Variants in L3MBTL4 observed in about 807,000 individuals in gnomAD.
L3MBTL4 encodes the protein lethal(3)malignant brain tumor-like protein 4.
In L3MBTL4, 70 loss-of-function variants were observed where a neutral mutation model predicts 84.5. The observed-to-expected ratio is 0.83, with a 90% CI of 0.68 to 1.01. The LOEUF (loss-of-function observed/expected upper bound fraction) is 1.01. Ranked by LOEUF, L3MBTL4 falls within the 50% of genes least tolerant of loss-of-function variation. The pLI is 0.00. For missense variants in L3MBTL4, 715 were observed against 754.8 expected (o/e 0.95, Z 0.62); for synonymous variants, 274 against 259.8 (o/e 1.05, Z -0.52).
intron 15 of L3MBTL4, among the ~76,000 whole-genome samples, chr18:6,091,182 C>T (rs2058444964): frequency 6.6e-6 from 1 of 152,190 alleles, no homozygotes; most frequent in South Asian, 2.1e-4. Flanking sequence ...TATGTTTTAT[C>T]TGTACATAAT....
chr18:6,168,189 A>C (rs1225491514), intron 13 of L3MBTL4, among the ~76,000 whole-genome samples: 1 of 152,178 alleles, frequency 6.6e-6, no homozygotes, highest in Non-Finnish European at 1.5e-5. Context: ...ATACAAACAA[A>C]TGGAAGAACA....
intron 1 of L3MBTL4, chr18:6,367,264 A>G (rs893289075): frequency 7.9e-5 from 12 of 152,382 alleles, no homozygotes; most frequent in African/African-American, 2.9e-4. Context: ...CCTAGAAACC[A>G]TCACTGTGAA....
chr18:6,063,555 C>T (rs2057305995), intron 16 of L3MBTL4, among the ~76,000 whole-genome samples: 2 of 151,710 alleles, frequency 1.3e-5, no homozygotes, highest in Non-Finnish European at 3.0e-5. Context: ...TTAATTAGGG[C>T]CATTCTTGCA....
chr18:6,341,574 T>C (rs1202404168), intron 1 of L3MBTL4, among the ~76,000 whole-genome samples: 4 of 151,470 alleles, frequency 2.6e-5, no homozygotes, highest in Non-Finnish European at 5.9e-5. Context: ...TATTTAAAAG[T>C]AGTCAGAGGA....
At chr18:6,041,775 A>G (rs948658540) in intron 16 of L3MBTL4, among the ~76,000 whole-genome samples, 5 of 151,436 alleles carry the variant, frequency 3.3e-5, no homozygotes, top group African/African-American at 1.2e-4. Flanking sequence ...CCTAGGCGGG[A>G]GTTCAATGGC....
intron 12 of L3MBTL4, among the ~76,000 whole-genome samples, chr18:6,203,656 T>C (rs2145684262): frequency 6.6e-6 from 1 of 152,274 alleles, no homozygotes; most frequent in Non-Finnish European, 1.5e-5. Flanking sequence ...CCTCCTGCCC[T>C]AGGAGCAAAC....
chr18:6,072,881 A>AT (rs1364992667), intron 16 of L3MBTL4, among the ~76,000 whole-genome samples: 10 of 20,432 alleles, frequency 4.9e-4, no homozygotes, highest in Non-Finnish European at 8.8e-4. Flanking sequence ...AAAAAAAAAA[A>AT]ATATATATAT....
At chr18:6,295,537 G>A (rs926071082) in intron 4 of L3MBTL4, among the ~76,000 whole-genome samples, 4 of 151,826 alleles carry the variant, frequency 2.6e-5, no homozygotes, top group Non-Finnish European at 5.9e-5. Flanking sequence ...GAATCCTACG[G>A]AGGGGGGCCC....
intron 10 of L3MBTL4, among the ~76,000 whole-genome samples, chr18:6,222,950 TATAATATA>T (rs905113307): frequency 1.2e-4 from 6 of 51,914 alleles, no homozygotes; most frequent in African/African-American, 5.3e-4. Context: ...ATTTTTCTAT[TATAATATA>T]ATATAATATA....
At chr18:6,020,216 G>C (rs1046767431) in intron 16 of L3MBTL4, among the ~76,000 whole-genome samples, 2 of 152,154 alleles carry the variant, frequency 1.3e-5, no homozygotes, top group Admixed American at 1.3e-4. Flanking sequence ...GGGAGGGGGA[G>C]CTAGGAATGA....
chr18:5,985,920 G>C (rs2053443926), intron 16 of L3MBTL4, among the ~76,000 whole-genome samples: 1 of 152,154 alleles, frequency 6.6e-6, no homozygotes, highest in Non-Finnish European at 1.5e-5. Context: ...ATCTTGGAGA[G>C]GGATGCTGTA....
intron 16 of L3MBTL4, among the ~76,000 whole-genome samples, chr18:5,988,356 C>G (rs532638456): frequency 5.1e-4 from 77 of 152,214 alleles, no homozygotes; most frequent in Admixed American, 2.3e-3. Context: ...AACAATTCTA[C>G]GATTGTTGGA....
rs187075461 is a variant in L3MBTL4 at position 6,202,977 on chromosome 18, A to G, written c.981+10172T>C. ...CCTCACTTAAGAGAGAGAACTGAGCAGACATTCTCAGCCCAGGCATGTATT... is the reference window on the plus strand; with the variant it reads ...CCTCACTTAAGAGAGAGAACTGAGCGGACATTCTCAGCCCAGGCATGTATT... On this transcript the variant is annotated intron_variant, in intron 12 of 18. Coordinates refer to ENST00000317931, the MANE Select transcript of L3MBTL4 (RefSeq NM_001330559.2). Among the ~76,000 whole-genome samples, 26 of 152,356 alleles carry G rather than the reference A, an allele frequency of 1.7e-4. 1 individual carries two copies. Among genetic ancestry groups the G allele is most frequent in the Admixed American group, 1.6e-3 (25 of 15,308 alleles).
intron 4 of L3MBTL4, among the ~76,000 whole-genome samples, chr18:6,266,833 G>T (rs1167941688): frequency 1.3e-5 from 2 of 152,270 alleles, no homozygotes; most frequent in East Asian, 1.9e-4. Flanking sequence ...TGAGGCAGGA[G>T]AATTGCTTGA....
At chr18:6,191,485 G>C (rs1737115584) in intron 12 of L3MBTL4, among the ~76,000 whole-genome samples, 1 of 152,258 alleles carries the variant, frequency 6.6e-6, no homozygotes, top group Admixed American at 6.5e-5. Context: ...GGTTAGAGAG[G>C]AAGATCAGTC....
chr18:6,190,491 C>T (rs1001820977), intron 12 of L3MBTL4, among the ~76,000 whole-genome samples: 7 of 152,170 alleles, frequency 4.6e-5, no homozygotes, highest in Admixed American at 1.3e-4. Flanking sequence ...TTATGACATG[C>T]TTGCCAGTCA....
intron 12 of L3MBTL4, among the ~76,000 whole-genome samples, chr18:6,207,672 T>C (rs2045930186): frequency 6.6e-6 from 1 of 152,172 alleles, no homozygotes; most frequent in South Asian, 2.1e-4. Flanking sequence ...CTGAAAATTG[T>C]CCCAGTCTCC....
chr18:6,010,513 C>T (rs1313244487), intron 16 of L3MBTL4, among the ~76,000 whole-genome samples: 3 of 152,132 alleles, frequency 2.0e-5, no homozygotes, highest in East Asian at 1.9e-4. Context: ...CTGTAGTCAG[C>T]GCCACTTGCA....
intron 10 of L3MBTL4, among the ~76,000 whole-genome samples, chr18:6,236,308 A>T (rs2047213886): frequency 6.6e-6 from 1 of 152,226 alleles, no homozygotes; most frequent in South Asian, 2.1e-4. Context: ...GATTTTCAAT[A>T]AGGGTGACAA....
Sources: allele counts gnomAD v4.1 joint callset (sites outside exome capture counted in the v4.1 genomes callset), GRCh38; gene constraint gnomAD v4.1.1; transcripts MANE v1.5; gene names NCBI Gene and HGNC (gene_info 2026-07-23, HGNC 2026-07-21).